GATA4: variants seen among roughly 807,000 people sequenced by gnomAD.
The protein encoded by GATA4 is GATA binding protein 4.
Under a neutral mutation model 37.9 loss-of-function variants are expected in GATA4, and 7 were observed. The observed-to-expected ratio is 0.18, with a 90% confidence interval of 0.11 to 0.35. GATA4 has a LOEUF of 0.35. Ranked by LOEUF, GATA4 falls within the 10% of genes least tolerant of loss-of-function variation. GATA4 has a pLI of 1.00. For missense variants in GATA4, 647 were observed against 653.0 expected, an observed-to-expected ratio of 0.99 and a Z score of 0.10; for synonymous variants, 372 against 292.6, an observed-to-expected ratio of 1.27 and a Z score of -2.77.
intron 2 of GATA4, among the ~76,000 whole-genome samples, chr8:11,740,975 C>T (rs1394361019): frequency 6.6e-6 from 1 of 152,056 alleles, no homozygotes; most frequent in Admixed American, 6.5e-5. Context: ...CTCAAGTGTT[C>T]CATCCGCTTC....
chr8:11,710,255 A>C (rs1585601000), intron 2 of GATA4, among the ~76,000 whole-genome samples: 1 of 149,760 alleles, frequency 6.7e-6, no homozygotes, highest in South Asian at 2.1e-4. Context: ...CCTCCCCCTC[A>C]CCCCTCTTGG....
upstream of GATA4, among the ~76,000 whole-genome samples, chr8:11,692,299 G>A (rs1399165060): frequency 1.3e-5 from 2 of 152,246 alleles, no homozygotes; most frequent in African/African-American, 4.8e-5. Context: ...GCACAGCAAT[G>A]ACAGTGTGTG....
chr8:11,743,657 G>C (rs909247086), intron 2 of GATA4, among the ~76,000 whole-genome samples: 2 of 152,224 alleles, frequency 1.3e-5, no homozygotes, highest in Non-Finnish European at 2.9e-5. Context: ...TGTTGGGGTG[G>C]GTGGGTTCCC....
chr8:11,684,614 G>A (rs1585549275), intron 1 of GATA4, among the ~76,000 whole-genome samples: 1 of 152,148 alleles, frequency 6.6e-6, no homozygotes, highest in African/African-American at 2.4e-5. Flanking sequence ...CACTGGCTGT[G>A]TTTTCTTGGT....
chr8:11,705,490 A>G (rs1321977408), intron 1 of GATA4, among the ~76,000 whole-genome samples: 2 of 152,214 alleles, frequency 1.3e-5, no homozygotes, highest in East Asian at 3.9e-4. Flanking sequence ...GAAGAGGGCT[A>G]TTGGTTGATT....
In GATA4 at chr8:11,708,606, T is replaced by G; in HGVS notation, c.294T>G (p.Ala98=). The change falls in exon 2 of 7, where the codon GCT becomes GCG. Residue 98 remains alanine, a synonymous_variant. Coordinates refer to ENST00000532059, the MANE Select transcript of GATA4 (RefSeq NM_001308093.3). The surrounding 1 kb of genome is among the most constrained non-coding windows in gnomAD (Gnocchi z 6.7). The part of the protein sequence containing the change: ...GWSQAGADGA[A]YTPPPVSPRF... ...GCCAGGCGGGAGCCGACGGAGCCGC[T>G]TACACCCCGCCGCCGGTGTCGCCGC... is the stretch of plus-strand genomic sequence containing the variant. 1 of 1,347,084 alleles carries G rather than the reference T, an allele frequency of 7.4e-7. No homozygotes were observed. The allele number at this position is 1,347,084 out of a possible 1,614,324, so 83.4% of individuals were successfully genotyped here.
intron 1 of GATA4, chr8:11,681,208 T>A: frequency 2.0e-6 from 2 of 985,260 alleles, no homozygotes; most frequent in Non-Finnish European, 2.4e-6. Flanking sequence ...GCGCGGGATC[T>A]GGAGGCAGAG....
At chr8:11,706,343 A>G (rs1799889268) in intron 1 of GATA4, among the ~76,000 whole-genome samples, 1 of 152,358 alleles carries the variant, frequency 6.6e-6, no homozygotes, top group South Asian at 2.1e-4. Context: ...ATTATAGTAT[A>G]TACATTTGAG....
At chr8:11,744,788 T>C (rs1801948697) in intron 2 of GATA4, among the ~76,000 whole-genome samples, 1 of 152,226 alleles carries the variant, frequency 6.6e-6, no homozygotes, top group Non-Finnish European at 1.5e-5. Flanking sequence ...TTAGGAAGCA[T>C]AGCCTTTACT....
At chr8:11,734,392 G>C (rs1479496213) in intron 2 of GATA4, among the ~76,000 whole-genome samples, 3 of 152,222 alleles carry the variant, frequency 2.0e-5, no homozygotes, top group Non-Finnish European at 4.4e-5. Flanking sequence ...CTGGCAGATT[G>C]GTGTCTGGTG....
chr8:11,719,824 T>C (rs1348681845), intron 2 of GATA4, among the ~76,000 whole-genome samples: 1 of 152,230 alleles, frequency 6.6e-6, no homozygotes, highest in Non-Finnish European at 1.5e-5. Context: ...ACCAGCACTG[T>C]CAATAACAGC....
In GATA4 at chr8:11,748,896, G is replaced by T; in HGVS notation, c.617-20G>T. On this transcript the variant is annotated intron_variant, in intron 2 of 6. Transcript: ENST00000532059. ...GAATTAATCCTCTGTGTCTTTTCTT[G>T]TCTGTTCCCCCCAACTCAGTAGATA... 1 of 1,614,100 alleles carries T rather than the reference G, an allele frequency of 6.2e-7. No homozygotes were observed. Among genetic ancestry groups the T allele is most frequent in the Non-Finnish European group, 8.5e-7 (1 of 1,179,892 alleles).
At chr8:11,715,482 C>T (rs1185042911) in intron 2 of GATA4, among the ~76,000 whole-genome samples, 3 of 152,306 alleles carry the variant, frequency 2.0e-5, no homozygotes, top group African/African-American at 7.2e-5. Flanking sequence ...GGTGCAGTGG[C>T]TCACACCTGT....
chr8:11,744,690 G>A (rs138375398), intron 2 of GATA4, among the ~76,000 whole-genome samples: 9 of 152,350 alleles, frequency 5.9e-5, no homozygotes, highest in Admixed American at 2.0e-4. Context: ...AACATTTCAT[G>A]GAGCAGGTTG....
upstream of GATA4, chr8:11,691,965 T>C: frequency 1.0e-6 from 1 of 972,498 alleles, no homozygotes; most frequent in South Asian, 4.7e-5. Context: ...TCCATGTTGC[T>C]TACAATGTTG....
chr8:11,734,375 C>G (rs1801350305), intron 2 of GATA4, among the ~76,000 whole-genome samples: 1 of 152,232 alleles, frequency 6.6e-6, no homozygotes, highest in Non-Finnish European at 1.5e-5. Flanking sequence ...AGCCCAAGAT[C>G]ACGGCACTGG....
intron 2 of GATA4, among the ~76,000 whole-genome samples, chr8:11,715,464 A>T (rs936625011): frequency 1.5e-4 from 23 of 152,326 alleles, no homozygotes; most frequent in African/African-American, 5.5e-4. Context: ...ATTTCAAATC[A>T]TCGGCTGGGT....
At chr8:11,691,838 C>T (rs1240807305), upstream of GATA4, among the ~76,000 whole-genome samples, 1 of 152,138 alleles carries the variant, frequency 6.6e-6, no homozygotes, top group Admixed American at 6.5e-5. Flanking sequence ...TACCTGTTTC[C>T]CAGTACTTAA....
At chr8:11,753,091 G>A (rs375673440) in intron 4 of GATA4, among the ~76,000 whole-genome samples, 5 of 152,198 alleles carry the variant, frequency 3.3e-5, no homozygotes, top group African/African-American at 1.2e-4. Flanking sequence ...GGGCCTCAAA[G>A]AGCTATTTGT....
Sources: allele counts gnomAD v4.1 joint callset (sites outside exome capture counted in the v4.1 genomes callset), GRCh38; gene constraint gnomAD v4.1.1; non-coding constraint Gnocchi (gnomAD v3.1); transcripts MANE v1.5; gene names NCBI Gene and HGNC (gene_info 2026-07-23, HGNC 2026-07-21).